XKR9: variants seen among roughly 807,000 people sequenced by gnomAD.
XKR9 encodes XK related 9.
A neutral mutation model predicts 32.0 loss-of-function variants in XKR9; 32 were observed. The ratio of observed to expected loss-of-function variants is 1.00; its 90% CI spans 0.76 to 1.34. The LOEUF (loss-of-function observed/expected upper bound fraction) is 1.34. XKR9 is among the 40% of genes most tolerant of loss of function. The pLI is 0.00. For missense variants in XKR9, 546 were observed against 429.7 expected, an observed-to-expected ratio of 1.27 and a Z score of -2.39; for synonymous variants, 168 against 143.4, an observed-to-expected ratio of 1.17 and a Z score of -1.22.
rs536327074 is a variant in XKR9 at position 70,735,355 on chromosome 8, C to G, written c.*931C>G. On this transcript the variant is annotated 3_prime_UTR_variant, in exon 5 of 5. Transcript: ENST00000408926. ...TGTTGCCATGGTTTGAATGTGCCCCCCAGATTTCATGTGTGTGAAACTTAA... is the reference window on the plus strand; with the variant it reads ...TGTTGCCATGGTTTGAATGTGCCCCGCAGATTTCATGTGTGTGAAACTTAA... The G allele has an allele frequency of 5.9e-4, 90 of 151,928 alleles. No homozygotes were observed. Among genetic ancestry groups the G allele is most frequent in the African/African-American group, 2.1e-3 (89 of 41,504 alleles). The allele number at this position is 151,928 out of a possible 1,614,324, so 9.4% of individuals were successfully genotyped here. A position where few individuals can be genotyped will look rare whatever the true frequency, so the allele number is the denominator to read the frequency against.
At chr8:70,675,198 G>A (rs1380457423) in intron 2 of XKR9, among the ~76,000 whole-genome samples, 1 of 152,158 alleles carries the variant, frequency 6.6e-6, no homozygotes, top group Non-Finnish European at 1.5e-5. Flanking sequence ...AGGCTGAGGT[G>A]GGTGGGTCAC....
At chr8:70,747,473 A>G (rs960200291) in intron 2 of XKR9, among the ~76,000 whole-genome samples, 1 of 152,214 alleles carries the variant, frequency 6.6e-6, no homozygotes, top group Non-Finnish European at 1.5e-5. Flanking sequence ...GAAGTAGAAG[A>G]GAGACCTGAG....
At chr8:70,872,228 A>G in the XKR9 span, among the ~76,000 whole-genome samples, 1 of 152,240 alleles carries the variant, frequency 6.6e-6, no homozygotes, top group Non-Finnish European at 1.5e-5. Flanking sequence ...GATTATATGA[A>G]CAAACTTTGA....
chr8:70,915,060 T>A, the XKR9 span, among the ~76,000 whole-genome samples: 296 of 151,766 alleles, frequency 2.0e-3, 2 homozygotes, highest in African/African-American at 7.0e-3. Context: ...AGGTCAAGGA[T>A]GGGGGTTGAA....
rs1163729487 is a variant in XKR9, at chr8:70,779,657, T to G, written n.353-9682T>G. ...ACCTGTTGTTGGTCTATTCAGAGATTTGACTTCTTCCTGGCTTAGTCTTGG... is the reference window on the plus strand; with the variant it reads ...ACCTGTTGTTGGTCTATTCAGAGATGTGACTTCTTCCTGGCTTAGTCTTGG... On this transcript the variant is annotated intron_variant and non_coding_transcript_variant, in intron 2 of 3. Coordinates refer to the XKR9 transcript ENST00000520273. Among the ~76,000 whole-genome samples, 3 of 152,228 alleles carry G rather than the reference T, an allele frequency of 2.0e-5. No individual in the cohort carries two copies. The East Asian group carries it at 5.8e-4, about 29-fold the overall frequency.
the XKR9 span, among the ~76,000 whole-genome samples, chr8:70,932,442 A>G: frequency 2.0e-5 from 3 of 152,282 alleles, no homozygotes; most frequent in East Asian, 1.9e-4. Context: ...TGGCATTGCC[A>G]TAATAGTGAT....
At chr8:70,756,968 T>G (rs1221001311) in intron 2 of XKR9, among the ~76,000 whole-genome samples, 1 of 152,214 alleles carries the variant, frequency 6.6e-6, no homozygotes, top group Non-Finnish European at 1.5e-5. Context: ...ACTATGATGT[T>G]AACTGTGGAT....
At chr8:71,040,120 A>G in the XKR9 span, among the ~76,000 whole-genome samples, 7 of 152,206 alleles carry the variant, frequency 4.6e-5, no homozygotes, top group Non-Finnish European at 4.4e-5. Flanking sequence ...GCCCTGAAGT[A>G]TGTCTATATG....
chr8:70,697,497 C>T (rs1805326851), intron 3 of XKR9, among the ~76,000 whole-genome samples: 1 of 151,136 alleles, frequency 6.6e-6, no homozygotes, highest in African/African-American at 2.4e-5. Context: ...TCTTGATTTG[C>T]ATATATTGAA....
chr8:70,904,904 T>G, the XKR9 span, among the ~76,000 whole-genome samples: 1 of 152,332 alleles, frequency 6.6e-6, no homozygotes, highest in South Asian at 2.1e-4. Context: ...TGATATGAAA[T>G]TCTGGGTTGA....
the XKR9 span, among the ~76,000 whole-genome samples, chr8:70,874,364 T>C: frequency 1.3e-5 from 2 of 152,240 alleles, no homozygotes; most frequent in Non-Finnish European, 2.9e-5. Context: ...TTATTCTGTA[T>C]GATAGATCCC....
In XKR9 at chr8:70,786,634, A is replaced by T. The variant is rs73684553; in HGVS notation, n.353-2705A>T. On this transcript the variant is annotated intron_variant and non_coding_transcript_variant, in intron 2 of 3. Coordinates refer to the XKR9 transcript ENST00000520273. ...CCACTTGCATGGAATGTCTTCTTAC[A>T]TTTCTTCACTTTCAGTGTATTTGTG... Among the ~76,000 whole-genome samples, 824 of 152,038 alleles carry T rather than the reference A, an allele frequency of 5.4e-3. 11 individuals are homozygous for T. Among genetic ancestry groups the T allele is most frequent in the African/African-American group, 0.019 (790 of 41,490 alleles).
the XKR9 span, among the ~76,000 whole-genome samples, chr8:70,828,591 G>A: frequency 6.6e-6 from 1 of 152,056 alleles, no homozygotes; most frequent in Admixed American, 6.6e-5. Context: ...AGGTGCAGTG[G>A]CACGCACCTG....
chr8:71,035,332 G>A, the XKR9 span, among the ~76,000 whole-genome samples: 2 of 152,110 alleles, frequency 1.3e-5, no homozygotes, highest in Non-Finnish European at 2.9e-5. Flanking sequence ...TAACCTCATT[G>A]TTCTCTACTT....
At chr8:71,046,803 T>C in the XKR9 span, among the ~76,000 whole-genome samples, 1 of 152,188 alleles carries the variant, frequency 6.6e-6, no homozygotes, top group Non-Finnish European at 1.5e-5. Context: ...GTGAATATGA[T>C]TTAGTGGAGG....
the XKR9 span, among the ~76,000 whole-genome samples, chr8:71,062,808 C>CT: frequency 6.6e-6 from 1 of 151,502 alleles, no homozygotes; most frequent in Non-Finnish European, 1.5e-5. Flanking sequence ...TTTCTAATAC[C>CT]TTTTTTAAGA....
chr8:70,871,106 T>C, the XKR9 span, among the ~76,000 whole-genome samples: 1 of 152,166 alleles, frequency 6.6e-6, no homozygotes, highest in East Asian at 1.9e-4. Flanking sequence ...AAAGGAATAA[T>C]GTTTCATGGA....
the XKR9 span, among the ~76,000 whole-genome samples, chr8:71,024,270 C>G: frequency 1.2e-4 from 18 of 152,192 alleles, no homozygotes; most frequent in Non-Finnish European, 2.4e-4. Flanking sequence ...GCAGAGTGCT[C>G]TTTGGCTCCT....
At chr8:71,050,256 T>TAGATATAG in the XKR9 span, among the ~76,000 whole-genome samples, 1 of 130,898 alleles carries the variant, frequency 7.6e-6, no homozygotes, top group African/African-American at 3.3e-5. Flanking sequence ...TATATATATA[T>TAGATATAG]ATATAGATAG....
Sources: gnomAD v4.1 joint callset for allele counts (sites outside exome capture counted in the v4.1 genomes callset) on GRCh38, gnomAD v4.1.1 for gene constraint, MANE v1.5 for transcripts, NCBI Gene and HGNC (gene_info 2026-07-23, HGNC 2026-07-21) for gene names.